The following CP variants were observed in gnomAD, a reference collection of about 807,000 sequenced individuals.
CP encodes the protein caeruloplasmin.
A neutral mutation model predicts 122.4 loss-of-function variants in CP; 64 were observed. The ratio of observed to expected loss-of-function variants is 0.52; its 90% CI spans 0.43 to 0.64. The LOEUF is 0.64. Among genes scored for constraint, CP ranks in the 30% least tolerant of loss-of-function variants. CP has a pLI of 0.00. For synonymous variants in CP, 440 were observed against 436.4 expected (o/e 1.01, Z -0.10); for missense variants, 1,167 against 1,284.4 (o/e 0.91, Z 1.40).
rs1352393587 is a variant in CP, at chr3:149,173,658, A to G, written c.*56T>C. 6 of 1,166,574 alleles carry G rather than the reference A, an allele frequency of 5.1e-6. No homozygotes were observed. Among genetic ancestry groups the G allele is most frequent in the African/African-American group, 3.1e-5 (2 of 65,498 alleles). The allele number at this position is 1,166,574 out of a possible 1,614,324, so 72.3% of individuals were successfully genotyped here. A position where few individuals can be genotyped will look rare whatever the true frequency, so the allele number is the denominator to read the frequency against. ...CATTCTATTTTACACTTTCACATAC[A>G]TTGTTATGAATCATTGGTTTTTCTC... On this transcript the variant is annotated 3_prime_UTR_variant, in exon 19 of 19. Coordinates refer to ENST00000264613, the MANE Select transcript of CP (RefSeq NM_000096.4).
chr3:149,177,954 G>C lies in CP; in HGVS notation c.2904C>G (p.Asn968Lys), dbSNP rs779977898. ...MHAINGRMFG[N>K]LQGLTMHVGD... ...CCACGTGCATTGTGAGGCCTTGTAG[G>C]TTTCCAAACATTCTTCCATTAATAG... Residue 968 changes from asparagine to lysine, a missense_variant, in exon 17 of 19, where the codon AAC becomes AAG. This residue lies in a region of CP where 525 missense variants were observed against 657.2 expected (regional missense o/e 0.80). Transcript: ENST00000264613. 1 of 1,613,602 alleles carries C rather than the reference G, an allele frequency of 6.2e-7. No homozygotes were observed. The highest frequency in any genetic ancestry group is 8.5e-7 in the Non-Finnish European group (1 of 1,179,570).
chr3:149,164,035 T>C lies in CP; in HGVS notation c.*14-1160A>G, dbSNP rs372672854. On this transcript the variant is annotated intron_variant, in intron 5 of 5. Transcript: ENST00000479771. ...ATTTGCTGAGACCCCAGGTGTCCTG[T>C]TAATCTAGAATGTAGAATTTTGAGG... The C allele has an allele frequency of 2.8e-6, 2 of 722,090 alleles. 1 individual carries two copies. Among genetic ancestry groups the C allele is most frequent in the East Asian group, 5.4e-5 (2 of 36,868 alleles). 44.7% of individuals were successfully genotyped at this position (722,090 alleles called of 1,614,324 possible).
chr3:149,211,945 A>G (rs1207446204), intron 2 of CP, among the ~76,000 whole-genome samples: 1 of 152,118 alleles, frequency 6.6e-6, no homozygotes, highest in Admixed American at 6.6e-5. Flanking sequence ...ACTTTCCACG[A>G]AAGAGCACAA....
chr3:149,179,847 A>T, intron 14 of CP, 185 bp from the exon 15 acceptor site: 1 of 566,622 alleles, frequency 1.8e-6, no homozygotes, highest in Non-Finnish European at 3.1e-6. Flanking sequence ...TAGTTTTAAG[A>T]TGAACTGGAA....
chr3:149,164,696 C>T (rs1004508380), intron 5 of CP, among the ~76,000 whole-genome samples: 3 of 152,138 alleles, frequency 2.0e-5, no homozygotes, highest in Non-Finnish European at 2.9e-5. Flanking sequence ...TTAGCAGCTC[C>T]GTTAACCCAA....
downstream of CP, among the ~76,000 whole-genome samples, chr3:149,171,110 T>G (rs1289672259): frequency 3.3e-5 from 5 of 152,112 alleles, no homozygotes; most frequent in African/African-American, 1.2e-4. Flanking sequence ...AAACCCTGTC[T>G]CTACTAAAAA....
chr3:149,209,161 A>C, intron 4 of CP, 50 bp downstream of exon 4: 1 of 1,609,742 alleles, frequency 6.2e-7, no homozygotes, highest in Non-Finnish European at 8.5e-7. Flanking sequence ...AGCAGAATTA[A>C]TGGATCAAGG....
Position 149,179,423 on chromosome 3 carries a change from A to C in CP, c.2661+133T>G, listed in dbSNP as rs35653745. ...GTCATAGGTAGCAGCATAGTTGCTA[A>C]AGTAGATTGCAAACAGTTTATTTTC... On this transcript the variant is annotated intron_variant, in intron 15 of 18. Coordinates refer to ENST00000264613, the MANE Select transcript of CP (RefSeq NM_000096.4). 4,385 of 728,948 alleles carry C rather than the reference A, an allele frequency of 6.0e-3. 123 individuals carry two copies. The African/African-American group carries it at 0.068, about 11-fold the overall frequency. 45.2% of individuals were successfully genotyped at this position (728,948 alleles called of 1,614,324 possible).
At chr3:149,204,635 A>G (rs1359564643) in intron 6 of CP, among the ~76,000 whole-genome samples, 1 of 152,172 alleles carries the variant, frequency 6.6e-6, no homozygotes, top group South Asian at 2.1e-4. Flanking sequence ...CTATCCATTT[A>G]TTGTGTGATG....
chr3:149,199,935 CTTT>C, intron 7 of CP, 71 bp from the exon 8 acceptor site: 1 of 1,487,412 alleles, frequency 6.7e-7, no homozygotes, highest in South Asian at 1.1e-5. Flanking sequence ...TAGTTATCTT[CTTT>C]GACTGTGTTC....
chr3:149,174,100 G>C (rs1725243776), intron 18 of CP, among the ~76,000 whole-genome samples: 1 of 152,048 alleles, frequency 6.6e-6, no homozygotes, highest in Non-Finnish European at 1.5e-5. Flanking sequence ...TGATAGTCTT[G>C]CCAAAAGTGC....
At chr3:149,193,613 A>T (rs899377389) in intron 9 of CP, among the ~76,000 whole-genome samples, 2 of 152,200 alleles carry the variant, frequency 1.3e-5, no homozygotes, top group Non-Finnish European at 2.9e-5. Flanking sequence ...ATATTTTTTT[A>T]AAAAGAATAG....
chr3:149,184,021 C>A (rs2108231560), intron 12 of CP, among the ~76,000 whole-genome samples: 1 of 90,422 alleles, frequency 1.1e-5, no homozygotes, highest in Admixed American at 1.2e-4. Context: ...TCCCTTTTCA[C>A]TTACTTCTTT....
At chr3:149,217,201 A>G (rs555441526) in intron 1 of CP, among the ~76,000 whole-genome samples, 3 of 152,070 alleles carry the variant, frequency 2.0e-5, no homozygotes, top group Non-Finnish European at 4.4e-5. Context: ...GCCCAGCCCT[A>G]TTGCTTGCTA....
At chr3:149,167,856 C>T (rs1198833131), downstream of CP, 3 of 1,187,310 alleles carry the variant, frequency 2.5e-6, no homozygotes, top group African/African-American at 1.5e-5. Context: ...GAATAAAATG[C>T]ATCAAACTAA....
chr3:149,194,400 G>A (rs910764341), intron 9 of CP, among the ~76,000 whole-genome samples: 5 of 151,856 alleles, frequency 3.3e-5, no homozygotes, highest in Non-Finnish European at 7.4e-5. Context: ...CAGCACACCT[G>A]GCTAATTTTT....
At chr3:149,219,887 G>C (rs1238215281) in intron 1 of CP, among the ~76,000 whole-genome samples, 1 of 151,698 alleles carries the variant, frequency 6.6e-6, no homozygotes. Flanking sequence ...AGTTTGCAAT[G>C]TAAGACATGC....
rs2108323050 is a variant in CP at position 149,221,756 on chromosome 3, A to G, written c.37T>C (p.Cys13Arg). The G allele has an allele frequency of 6.2e-7, 1 of 1,613,840 alleles. No individual in the cohort carries two copies. Among genetic ancestry groups the G allele is most frequent in the South Asian group, 1.1e-5 (1 of 91,042 alleles). The change falls in exon 1 of 19, where the codon TGT (cysteine) becomes CGT (arginine). Residue 13 changes from cysteine to arginine, a missense_variant. Cys to Arg is a radical substitution (Grantham distance 180). Coordinates refer to ENST00000264613, the MANE Select transcript of CP (RefSeq NM_000096.4). ...TCTTTCGCCCAGGCTGGGGTACTAC[A>G]TAAAAACAGAAAAATACCAAGTATC... ...ILILGIFLFL[C>R]STPAWAKEKH...
chr3:149,169,542 G>A (rs771038012), downstream of CP, among the ~76,000 whole-genome samples: 4 of 152,292 alleles, frequency 2.6e-5, no homozygotes, highest in East Asian at 3.9e-4. Context: ...GTCCGTGTGC[G>A]TGGGGGTTTC....
Sources: gnomAD v4.1 joint callset for allele counts (sites outside exome capture counted in the v4.1 genomes callset) on GRCh38, gnomAD v4.1.1 for gene constraint, gnomAD v4.1.1 regional missense constraint, MANE v1.5 for transcripts, NCBI Gene and HGNC (gene_info 2026-07-23, HGNC 2026-07-21) for gene names.